The following MB21D2 variants were observed in gnomAD, a reference collection of about 807,000 sequenced individuals.
The protein encoded by MB21D2 is Mab-21 domain containing 2, also known as nucleotidyltransferase MB21D2.
MB21D2 carries 9 observed loss-of-function variants against 33.3 expected under a neutral mutation model. That is an observed-to-expected ratio of 0.27 (90% CI 0.16 to 0.47). The LOEUF is 0.47. MB21D2 is among the 20% of genes least tolerant of loss of function. The pLI, the probability that MB21D2 is intolerant of heterozygous loss-of-function variation, is 0.99. For synonymous variants in MB21D2, 241 were observed against 236.3 expected, an observed-to-expected ratio of 1.02 and a Z score of -0.18; for missense variants, 540 against 624.6, an observed-to-expected ratio of 0.86 and a Z score of 1.44.
intron 1 of MB21D2, among the ~76,000 whole-genome samples, chr3:192,910,892 G>A (rs1324092088): frequency 6.6e-6 from 1 of 152,170 alleles, no homozygotes; most frequent in Admixed American, 6.5e-5. Context: ...AACAGAGCTG[G>A]TACAAGAACT....
intron 1 of MB21D2, among the ~76,000 whole-genome samples, chr3:192,907,943 A>G (rs2108654737): frequency 6.6e-6 from 1 of 152,322 alleles, no homozygotes; most frequent in South Asian, 2.1e-4. Context: ...CAAGGAAGGG[A>G]ACATCCCTAT....
intron 1 of MB21D2, among the ~76,000 whole-genome samples, chr3:192,845,978 G>A (rs1712673073): frequency 6.6e-6 from 1 of 152,120 alleles, no homozygotes; most frequent in African/African-American, 2.4e-5. Flanking sequence ...AGCTGCTTGG[G>A]AGGCTGAGGT....
Position 192,796,930 on chromosome 3 carries a change from C to T in MB21D2, c.*1456G>A, listed in dbSNP as rs14697. 307 of 152,644 alleles carry T rather than the reference C, an allele frequency of 2.0e-3. 2 individuals are homozygous for T. In the South Asian group the frequency reaches 0.023, roughly 11 times the overall value. 9.5% of individuals were successfully genotyped at this position (152,644 alleles called of 1,614,324 possible). A position where few individuals can be genotyped will look rare whatever the true frequency, so the allele number is the denominator to read the frequency against. Reference sequence around the variant, plus strand: ...TAATTTCCATGCAAAAACCCAAGATCGCATATGTCTGATTTCAATTGGCCA... The same window carrying T: ...TAATTTCCATGCAAAAACCCAAGATTGCATATGTCTGATTTCAATTGGCCA... On this transcript the variant is annotated 3_prime_UTR_variant, in exon 2 of 2. Coordinates refer to ENST00000392452, the MANE Select transcript of MB21D2 (RefSeq NM_178496.4).
chr3:192,798,659 G>A lies in MB21D2; in HGVS notation c.1203C>T (p.Ser401=), dbSNP rs372993931. 5 of 1,613,586 alleles carry A rather than the reference G, an allele frequency of 3.1e-6. No homozygotes were observed. The highest frequency in any genetic ancestry group is 2.2e-5 in the East Asian group (1 of 44,876). Residue 401 remains serine (S), a synonymous_variant, in exon 2 of 2, where the codon TCC becomes TCT. Transcript: ENST00000392452. The surrounding 1 kb of genome is among the most constrained non-coding windows in gnomAD (Gnocchi z 4.8). ...ETVMLHARKL[S]SVRSDPAEHL... ...GCTCTGCCGGGTCTGAGCGCACAGAGGACAGCTTCCGGGCGTGAAGCATGA... is the reference window on the plus strand; with the variant it reads ...GCTCTGCCGGGTCTGAGCGCACAGAAGACAGCTTCCGGGCGTGAAGCATGA...
chr3:192,865,278 G>A (rs1713145713), intron 1 of MB21D2, among the ~76,000 whole-genome samples: 1 of 152,224 alleles, frequency 6.6e-6, no homozygotes. Context: ...AATGAGGCTG[G>A]AAGGAGGCTC....
chr3:192,842,086 CG>C (rs1171723540), intron 1 of MB21D2, among the ~76,000 whole-genome samples: 3 of 152,042 alleles, frequency 2.0e-5, no homozygotes, highest in Non-Finnish European at 4.4e-5. Flanking sequence ...GGGCGCCACT[CG>C]GGGGGCATAT....
chr3:192,868,199 G>T (rs994489821), intron 1 of MB21D2, among the ~76,000 whole-genome samples: 1 of 152,192 alleles, frequency 6.6e-6, no homozygotes, highest in Non-Finnish European at 1.5e-5. Context: ...TGTGCCAGTG[G>T]TCCTCCAGCT....
At chr3:192,883,839 C>G (rs1419157301) in intron 1 of MB21D2, among the ~76,000 whole-genome samples, 1 of 152,012 alleles carries the variant, frequency 6.6e-6, no homozygotes, top group African/African-American at 2.4e-5. Context: ...TCCTTGATTC[C>G]CCTTTAGAGA....
intron 1 of MB21D2, among the ~76,000 whole-genome samples, chr3:192,850,003 T>C (rs1324476340): frequency 1.3e-5 from 2 of 151,780 alleles, no homozygotes; most frequent in African/African-American, 2.4e-5. Context: ...ACGGCAACCT[T>C]TGCCTGCTGG....
chr3:192,799,021 C>T lies in MB21D2; in HGVS notation c.841G>A (p.Gly281Ser), dbSNP rs1286807175. Reference sequence around the variant, plus strand: ...AGCCGCCATTCATTGTCCTTCTTACCCTTGTAGGAGCAAGCAGGCACCAAG... The same window carrying T: ...AGCCGCCATTCATTGTCCTTCTTACTCTTGTAGGAGCAAGCAGGCACCAAG... ...FYLVPACSYKGKKDNEWRLSF... is the reference protein window; with the variant it reads ...FYLVPACSYKSKKDNEWRLSF... The change falls in exon 2 of 2, where the codon GGT becomes AGT. Residue 281 changes from glycine to serine, a missense_variant. By Grantham distance (56) the Gly-to-Ser change is moderately conservative. Coordinates refer to ENST00000392452, the MANE Select transcript of MB21D2 (RefSeq NM_178496.4). This position sits in a 1 kb window ranked among gnomAD's most constrained non-coding sequence, Gnocchi z 4.1. The T allele has an allele frequency of 1.2e-6, 2 of 1,614,082 alleles. No homozygotes were observed. Among genetic ancestry groups the T allele is most frequent in the Non-Finnish European group, 1.7e-6 (2 of 1,180,018 alleles).
chr3:192,850,595 G>C (rs759424868), intron 1 of MB21D2, among the ~76,000 whole-genome samples: 1 of 152,200 alleles, frequency 6.6e-6, no homozygotes, highest in African/African-American at 2.4e-5. Context: ...GCCCCACCCA[G>C]ATACACATAC....
At chr3:192,852,778 TC>T (rs1712834192) in intron 1 of MB21D2, among the ~76,000 whole-genome samples, 1 of 151,856 alleles carries the variant, frequency 6.6e-6, no homozygotes, top group Non-Finnish European at 1.5e-5. Flanking sequence ...CCTAGAACTT[TC>T]AGAATGAGCT....
In MB21D2 at chr3:192,917,843, A is replaced by G. The variant is rs1193973708; in HGVS notation, c.-3T>C. ...GCGGTGGGAGCCGCCATCTTCATGCAAAACGCGCCGAGTAGCAGCTCCGCG... is the reference window on the plus strand; with the variant it reads ...GCGGTGGGAGCCGCCATCTTCATGCGAAACGCGCCGAGTAGCAGCTCCGCG... On this transcript the variant is annotated 5_prime_UTR_variant, in exon 1 of 2. Transcript: ENST00000392452. 4 of 1,606,710 alleles carry G rather than the reference A, an allele frequency of 2.5e-6. No individual in the cohort carries two copies. Among genetic ancestry groups the G allele is most frequent in the Admixed American group, 1.7e-5 (1 of 59,794 alleles).
chr3:192,808,070 A>T (rs1482770986), intron 1 of MB21D2, among the ~76,000 whole-genome samples: 1 of 152,178 alleles, frequency 6.6e-6, no homozygotes, highest in African/African-American at 2.4e-5. Context: ...GGAGGAAAAG[A>T]AGGCTCTGGG....
chr3:192,809,680 C>A (rs1235795039), intron 1 of MB21D2, among the ~76,000 whole-genome samples: 3 of 152,296 alleles, frequency 2.0e-5, no homozygotes, highest in Non-Finnish European at 4.4e-5. Context: ...TAAAAACTGA[C>A]TTTAGTCATC....
chr3:192,804,090 T>C (rs1474028062), intron 1 of MB21D2, among the ~76,000 whole-genome samples: 3 of 152,210 alleles, frequency 2.0e-5, no homozygotes, highest in Non-Finnish European at 4.4e-5. Context: ...TACCCTTTTA[T>C]ATAGATACTC....
rs565617897 is a variant in MB21D2, at chr3:192,866,545, T to C, written c.211+51085A>G. Among the ~76,000 whole-genome samples the C allele has an allele frequency of 1.3e-4, 20 of 152,334 alleles. No homozygotes were observed. In the South Asian group the frequency reaches 3.7e-3, roughly 28 times the overall value. On this transcript the variant is annotated intron_variant, in intron 1 of 1. Coordinates refer to ENST00000392452, the MANE Select transcript of MB21D2 (RefSeq NM_178496.4). ...CTGATTTAGAATGTTAAAGATAGAA[T>C]GCATCTCAGCATGCATACGTGCACG...
chr3:192,851,341 G>A (rs1394790696), intron 1 of MB21D2, among the ~76,000 whole-genome samples: 1 of 152,086 alleles, frequency 6.6e-6, no homozygotes, highest in Non-Finnish European at 1.5e-5. Flanking sequence ...TGTCTGCCAA[G>A]GGCTGTTGGG....
In MB21D2 at chr3:192,895,835, C is replaced by G. The variant is rs149217527; in HGVS notation, c.211+21795G>C. On this transcript the variant is annotated intron_variant, in intron 1 of 1. Coordinates refer to ENST00000392452, the MANE Select transcript of MB21D2 (RefSeq NM_178496.4). Reference sequence around the variant, plus strand: ...GCAACCTCTGCCTCCCAGCCTCAAGCAATCCTCCCACCTCAGCCTCTCAAG... The same window carrying G: ...GCAACCTCTGCCTCCCAGCCTCAAGGAATCCTCCCACCTCAGCCTCTCAAG... Among the ~76,000 whole-genome samples, 765 of 152,210 alleles carry G rather than the reference C, an allele frequency of 5.0e-3. 2 individuals carry two copies. Among genetic ancestry groups the G allele is most frequent in the Non-Finnish European group, 8.6e-3 (583 of 68,016 alleles).
Sources: allele counts gnomAD v4.1 joint callset (sites outside exome capture counted in the v4.1 genomes callset), GRCh38; gene constraint gnomAD v4.1.1; non-coding constraint Gnocchi (gnomAD v3.1); transcripts MANE v1.5; gene names NCBI Gene and HGNC (gene_info 2026-07-23, HGNC 2026-07-21).